DCDC2C: variants seen among roughly 807,000 people sequenced by gnomAD.
DCDC2C encodes the protein doublecortin domain containing 2C.
DCDC2C carries 44 observed loss-of-function variants against 45.0 expected under a neutral mutation model. The observed-to-expected ratio is 0.98, with a 90% CI of 0.77 to 1.26. The LOEUF is 1.26. DCDC2C is among the 50% of genes most tolerant of loss of function. The probability of loss-of-function intolerance (pLI) is 0.00; values close to 1 mark genes in which losing one functional copy is unlikely to be tolerated. For missense variants in DCDC2C, 447 were observed against 468.9 expected (o/e 0.95, Z 0.43); for synonymous variants, 187 against 178.8 (o/e 1.05, Z -0.37).
chr2:3,832,090 G>T (rs1312035437), intron 10 of DCDC2C, among the ~76,000 whole-genome samples: 1 of 152,092 alleles, frequency 6.6e-6, no homozygotes, highest in Non-Finnish European at 1.5e-5. Context: ...ACCTGATTTC[G>T]ATTGTGCATC....
intron 10 of DCDC2C, among the ~76,000 whole-genome samples, chr2:3,785,578 G>A (rs975756448): frequency 6.6e-6 from 1 of 152,124 alleles, no homozygotes; most frequent in African/African-American, 2.4e-5. Context: ...TTGGGAAAGC[G>A]GATGTGTAGC....
At position 3,734,752 on chromosome 2, in the gene DCDC2C, G is replaced by A. The variant is rs529889253; in HGVS notation, c.417-7168G>A. Among the ~76,000 whole-genome samples, 75 of 152,246 alleles carry A rather than the reference G, an allele frequency of 4.9e-4. No individual in the cohort carries two copies. The highest frequency in any genetic ancestry group is 1.3e-3 in the African/African-American group (56 of 41,536). ...GCTCGGTGAAGCTCTCGCAATCCAC[G>A]TTTTTATGTTTTGGGGAGAAGACTC... is the stretch of plus-strand genomic sequence containing the variant. On this transcript the variant is annotated intron_variant, in intron 3 of 10. Coordinates refer to ENST00000399143, the MANE Select transcript of DCDC2C (RefSeq NM_001287444.2). The surrounding 1 kb of genome is among the most constrained non-coding windows in gnomAD (Gnocchi z 4.2).
chr2:3,834,586 C>T (rs574526968), intron 10 of DCDC2C, among the ~76,000 whole-genome samples: 4 of 152,306 alleles, frequency 2.6e-5, no homozygotes, highest in Admixed American at 1.3e-4. Context: ...AGGTCACTTG[C>T]ATTGCACATG....
At chr2:3,836,816 C>G (rs74171421) in intron 10 of DCDC2C, among the ~76,000 whole-genome samples, 81,759 of 149,288 alleles carry the variant, frequency 0.55, 22,560 homozygotes, top group Middle Eastern at 0.63. Context: ...GAGCCGAGAT[C>G]GCGCCACTGC....
chr2:3,713,630 G>A (rs1668277757), intron 2 of DCDC2C, among the ~76,000 whole-genome samples: 1 of 152,194 alleles, frequency 6.6e-6, no homozygotes, highest in Non-Finnish European at 1.5e-5. Context: ...GGGGTTTAAG[G>A]ATGTTTACAG....
chr2:3,802,550 A>G, intron 10 of DCDC2C, among the ~76,000 whole-genome samples: 1 of 152,166 alleles, frequency 6.6e-6, no homozygotes, highest in East Asian at 1.9e-4. Flanking sequence ...GAGGCTGGGA[A>G]GTGTAAGGTC....
At chr2:3,711,412 C>A (rs772989793) in intron 2 of DCDC2C, among the ~76,000 whole-genome samples, 1 of 151,564 alleles carries the variant, frequency 6.6e-6, no homozygotes, top group Non-Finnish European at 1.5e-5. Flanking sequence ...CAATGACAGA[C>A]TGGATTAAAA....
chr2:3,707,194 T>G (rs574175912), intron 1 of DCDC2C, among the ~76,000 whole-genome samples: 3 of 152,356 alleles, frequency 2.0e-5, no homozygotes, highest in African/African-American at 7.2e-5. Context: ...TATTTGTCCT[T>G]TCTTTCTGTT....
chr2:3,712,495 A>AG (rs200359351), intron 2 of DCDC2C, among the ~76,000 whole-genome samples: 159 of 137,342 alleles, frequency 1.2e-3, no homozygotes, highest in African/African-American at 5.4e-3. Flanking sequence ...CTACAAAAAA[A>AG]AAAAAAAAAA....
chr2:3,712,286 A>G (rs1668232990), intron 2 of DCDC2C, among the ~76,000 whole-genome samples: 1 of 152,166 alleles, frequency 6.6e-6, no homozygotes, highest in Admixed American at 6.5e-5. Context: ...TGGCATCACT[A>G]CTACTTACTA....
chr2:3,843,275 G>A (rs933009315), intron 10 of DCDC2C, among the ~76,000 whole-genome samples: 8 of 152,176 alleles, frequency 5.3e-5, no homozygotes, highest in Non-Finnish European at 8.8e-5. Context: ...GGGCCACAAA[G>A]TGGATATGGG....
At chr2:3,776,588 T>A (rs887068059) in intron 8 of DCDC2C, among the ~76,000 whole-genome samples, 2 of 152,208 alleles carry the variant, frequency 1.3e-5, no homozygotes, top group Non-Finnish European at 2.9e-5. Context: ...CTCGTTGTCC[T>A]TCTCTTAGGC....
intron 6 of DCDC2C, among the ~76,000 whole-genome samples, chr2:3,765,261 A>G (rs1417109988): frequency 6.6e-6 from 1 of 152,242 alleles, no homozygotes; most frequent in Non-Finnish European, 1.5e-5. Flanking sequence ...TTTACTGAGC[A>G]ACTATTATGC....
intron 5 of DCDC2C, 37 bp from the exon 6 acceptor site, chr2:3,754,555 G>T (rs1402741633): frequency 6.5e-7 from 1 of 1,546,238 alleles, no homozygotes; most frequent in Non-Finnish European, 8.7e-7. Context: ...TTAGGGCCGG[G>T]CTTTACATTT....
intron 2 of DCDC2C, among the ~76,000 whole-genome samples, chr2:3,710,510 A>T (rs1370391473): frequency 6.6e-6 from 1 of 152,098 alleles, no homozygotes; most frequent in Non-Finnish European, 1.5e-5. Context: ...TTCCAACTCC[A>T]TCCATGTCCC....
intron 10 of DCDC2C, among the ~76,000 whole-genome samples, chr2:3,821,806 C>A (rs1671693466): frequency 6.6e-6 from 1 of 152,196 alleles, no homozygotes; most frequent in East Asian, 1.9e-4. Context: ...ATTTAGAAAT[C>A]AAATCTCCTT....
At position 3,801,060 on chromosome 2, in the gene DCDC2C, C is replaced by T. The variant is rs186926762; in HGVS notation, c.1065+15960C>T. On this transcript the variant is annotated intron_variant, in intron 10 of 10. Transcript: ENST00000399143. ...GATCCCTGGGAGGTTCTATAGATCC[C>T]CCAGGAATCCACAACCACCTTTTGG... Among the ~76,000 whole-genome samples the T allele has an allele frequency of 7.9e-5, 12 of 152,256 alleles. No homozygotes were observed. The East Asian group carries it at 2.1e-3, about 27-fold the overall frequency.
intron 2 of DCDC2C, 37 bp downstream of exon 2, chr2:3,708,637 AT>A: frequency 6.7e-7 from 1 of 1,488,200 alleles, no homozygotes; most frequent in Admixed American, 2.2e-5. Context: ...AATGGAATAA[AT>A]TGGCCAACTT....
chr2:3,812,833 T>C (rs2148214940), intron 10 of DCDC2C, among the ~76,000 whole-genome samples: 1 of 152,198 alleles, frequency 6.6e-6, no homozygotes, highest in South Asian at 2.1e-4. Flanking sequence ...AATTTCATTA[T>C]TTGCCCAGGA....
Sources: allele counts gnomAD v4.1 joint callset (sites outside exome capture counted in the v4.1 genomes callset), GRCh38; gene constraint gnomAD v4.1.1; non-coding constraint Gnocchi (gnomAD v3.1); transcripts MANE v1.5; gene names NCBI Gene and HGNC (gene_info 2026-07-23, HGNC 2026-07-21).